The following NDE1 variants were observed in gnomAD, a reference collection of about 807,000 sequenced individuals.
NDE1 encodes the protein nudE neurodevelopment protein 1.
NDE1 carries 28 observed loss-of-function variants against 43.4 expected under a neutral mutation model. The ratio of observed to expected loss-of-function variants is 0.65; its 90% CI spans 0.48 to 0.89. The LOEUF (loss-of-function observed/expected upper bound fraction) is 0.89, where lower values mean the gene tolerates loss of function less well. Among genes scored for constraint, NDE1 ranks in the 40% least tolerant of loss-of-function variants. The pLI, the probability that NDE1 is intolerant of heterozygous loss-of-function variation, is 0.00. For missense variants in NDE1, 441 were observed against 434.1 expected (o/e 1.02, Z -0.14); for synonymous variants, 184 against 172.0 (o/e 1.07, Z -0.55).
At chr16:15,676,118 T>A (rs1680666836) in intron 3 of NDE1, among the ~76,000 whole-genome samples, 1 of 151,042 alleles carries the variant, frequency 6.6e-6, no homozygotes, top group South Asian at 2.1e-4. Flanking sequence ...TCCCTCTCCC[T>A]CCCTTCCTCT....
At chr16:15,720,089 G>A (rs957954495) in intron 8 of NDE1, 9 of 1,608,534 alleles carry the variant, frequency 5.6e-6, no homozygotes, top group African/African-American at 1.3e-5. Flanking sequence ...TGCTGACTTC[G>A]GTGGCCTGAG....
chr16:15,707,936 C>T (rs2039547820), intron 8 of NDE1, among the ~76,000 whole-genome samples: 2 of 140,044 alleles, frequency 1.4e-5, no homozygotes, highest in Admixed American at 7.7e-5. Flanking sequence ...TGCGCCATTG[C>T]ACTCCAGAGC....
At position 15,687,369 on chromosome 16, in the gene NDE1, C is replaced by T. The variant is rs755392118; in HGVS notation, c.387-6C>T. On this transcript the variant is annotated splice_polypyrimidine_tract_variant and splice_region_variant and intron_variant, in intron 4 of 8. Coordinates refer to ENST00000396354, the MANE Select transcript of NDE1 (RefSeq NM_017668.3). ...TCTTGGATAACTCTGCTTTTCTCTT[C>T]GCCAGCGCCACGATCATGTCTCTCG... is the stretch of plus-strand genomic sequence containing the variant. 57 of 1,613,976 alleles carry T rather than the reference C, an allele frequency of 3.5e-5. No homozygotes were observed. Among genetic ancestry groups the T allele is most frequent in the South Asian group, 5.5e-5 (5 of 91,088 alleles).
chr16:15,701,185 C>G (rs2039205879), intron 8 of NDE1: 1 of 150,636 alleles, frequency 6.6e-6, no homozygotes, highest in Admixed American at 6.6e-5. Flanking sequence ...TGCAGTGAGC[C>G]AAGATTGCGC....
chr16:15,672,196 A>T (rs1038017849), intron 3 of NDE1, among the ~76,000 whole-genome samples: 2 of 151,988 alleles, frequency 1.3e-5, no homozygotes, highest in African/African-American at 4.8e-5. Flanking sequence ...GCACTTTGGG[A>T]GACCGAGGCG....
At chr16:15,715,990 A>G (rs554771144) in intron 8 of NDE1, among the ~76,000 whole-genome samples, 1 of 151,728 alleles carries the variant, frequency 6.6e-6, no homozygotes, top group Non-Finnish European at 1.5e-5. Context: ...AGCTGGGTAC[A>G]GTGGTGTGCA....
At chr16:15,671,365 T>C (rs116133152) in intron 3 of NDE1, among the ~76,000 whole-genome samples, 20 of 152,100 alleles carry the variant, frequency 1.3e-4, no homozygotes, top group East Asian at 7.8e-4. Context: ...AAAAAATTCA[T>C]TGGACATGGT....
chr16:15,685,187 G>C (rs897647204), intron 4 of NDE1, among the ~76,000 whole-genome samples: 2 of 152,106 alleles, frequency 1.3e-5, no homozygotes, highest in African/African-American at 4.8e-5. Flanking sequence ...GTCAACCTTA[G>C]GGCTGTTTTA....
upstream of NDE1, chr16:15,650,244 C>T: frequency 3.4e-6 from 1 of 290,216 alleles, no homozygotes; most frequent in South Asian, 2.7e-5. Flanking sequence ...CACCGCCCTT[C>T]GCAGCCGCCT....
rs2040236172 is a variant in NDE1, at chr16:15,717,678, C to T, written c.948-6513C>T. 9 of 416,658 alleles carry T rather than the reference C, an allele frequency of 2.2e-5. No individual in the cohort carries two copies. The South Asian group carries it at 2.3e-4, about 11-fold the overall frequency. 25.8% of individuals were successfully genotyped at this position (416,658 alleles called of 1,614,324 possible). A position where few individuals can be genotyped will look rare whatever the true frequency, so the allele number is the denominator to read the frequency against. ...GGCAGTGGTGGCACGTGCCTGTAGT[C>T]CCAGCTACTTGGGAGGTTGAAGCAG... On this transcript the variant is annotated intron_variant, in intron 8 of 8. Transcript: ENST00000396354.
chr16:15,663,522 G>A (rs1476240177), intron 1 of NDE1, among the ~76,000 whole-genome samples: 4 of 151,958 alleles, frequency 2.6e-5, no homozygotes, highest in East Asian at 1.9e-4. Flanking sequence ...GATTACAGGC[G>A]TGAGCCACTG....
intron 8 of NDE1, chr16:15,703,966 G>A (rs753223174): frequency 1.1e-5 from 18 of 1,613,572 alleles, no homozygotes; most frequent in East Asian, 2.2e-5. Flanking sequence ...TTTTCTTGCC[G>A]TGGTGCAAAA....
At chr16:15,690,400 T>C (rs115813306) in intron 5 of NDE1, among the ~76,000 whole-genome samples, 149 of 121,384 alleles carry the variant, frequency 1.2e-3, no homozygotes, top group African/African-American at 4.5e-3. Flanking sequence ...GGTCTCACTC[T>C]CGCCCAGGCT....
intron 1 of NDE1, among the ~76,000 whole-genome samples, chr16:15,656,395 T>A (rs181725948): frequency 1.6e-3 from 246 of 152,264 alleles, no homozygotes; most frequent in African/African-American, 5.7e-3. Context: ...ATTGGCCCGT[T>A]GTAATTAGAA....
chr16:15,678,786 C>T (rs891158029), intron 4 of NDE1, among the ~76,000 whole-genome samples: 3 of 152,022 alleles, frequency 2.0e-5, no homozygotes, highest in East Asian at 1.9e-4. Flanking sequence ...CAGTGAAATG[C>T]GCAGATGTGG....
rs751495086 is a variant in NDE1 at position 15,717,269 on chromosome 16, C to T, written c.948-6922C>T. 7.4e-5 allele frequency: 120 copies of T among 1,613,882 alleles called. 1 individual carries two copies. The highest frequency in any genetic ancestry group is 9.8e-5 in the Non-Finnish European group (116 of 1,180,042). ...CTTGCTCCGGAGCTCCTTGTTCTGC[C>T]GCTCGAGCTGCTGCCGGGCACTCTC... On this transcript the variant is annotated intron_variant, in intron 8 of 8. Transcript: ENST00000396354.
chr16:15,724,844 A>G lies in NDE1; in HGVS notation c.*593A>G, dbSNP rs770305005. On this transcript the variant is annotated 3_prime_UTR_variant, in exon 9 of 9. Transcript: ENST00000396354. ...AGGTCCCAGGGACCTGCCCCGAGGA[A>G]GGCCACCCCCCAGGTCCCCTGGATG... is the stretch of plus-strand genomic sequence containing the variant. 24 of 1,613,642 alleles carry G rather than the reference A, an allele frequency of 1.5e-5. No homozygotes were observed. Among genetic ancestry groups the G allele is most frequent in the Non-Finnish European group, 1.9e-5 (22 of 1,179,980 alleles).
chr16:15,644,956 A>G (rs1460991264), intron 1 of NDE1, among the ~76,000 whole-genome samples: 3 of 132,816 alleles, frequency 2.3e-5, no homozygotes, highest in Non-Finnish European at 3.1e-5. Context: ...GTCTTGCTTC[A>G]TTGCCCAGGC....
chr16:15,653,723 T>C (rs1296556191), intron 1 of NDE1, among the ~76,000 whole-genome samples: 1 of 149,904 alleles, frequency 6.7e-6, no homozygotes, highest in Non-Finnish European at 1.5e-5. Flanking sequence ...AAAAAAAGCA[T>C]GTGGAAACAA....
Sources: allele counts gnomAD v4.1 joint callset (sites outside exome capture counted in the v4.1 genomes callset), GRCh38; gene constraint gnomAD v4.1.1; transcripts MANE v1.5; gene names NCBI Gene and HGNC (gene_info 2026-07-23, HGNC 2026-07-21).